The following CC2D1B variants were observed in gnomAD, a reference collection of about 807,000 sequenced individuals.
The protein encoded by CC2D1B is coiled-coil and C2 domain-containing protein 1B.
A neutral mutation model predicts 110.8 loss-of-function variants in CC2D1B; 92 were observed. The ratio of observed to expected loss-of-function variants is 0.83; its 90% CI spans 0.70 to 0.99. The LOEUF (loss-of-function observed/expected upper bound fraction) is 0.99, where lower values mean the gene tolerates loss of function less well. Ranked by LOEUF, CC2D1B falls within the 50% of genes least tolerant of loss-of-function variation. The pLI, the probability that CC2D1B is intolerant of heterozygous loss-of-function variation, is 0.00. For synonymous variants in CC2D1B, 406 were observed against 429.2 expected, an observed-to-expected ratio of 0.95 and a Z score of 0.67; for missense variants, 1,136 against 1,089.0, an observed-to-expected ratio of 1.04 and a Z score of -0.61.
At chr1:52,354,061 G>A (rs917722675) in intron 23 of CC2D1B, among the ~76,000 whole-genome samples, 11 of 152,090 alleles carry the variant, frequency 7.2e-5, no homozygotes, top group African/African-American at 9.7e-5. Flanking sequence ...CATTCACCAC[G>A]CTACTCCCTC....
chr1:52,365,409 C>A (rs1435290721), intron 1 of CC2D1B, among the ~76,000 whole-genome samples: 1 of 152,216 alleles, frequency 6.6e-6, no homozygotes, highest in Admixed American at 6.5e-5. Context: ...CTGAGTCACG[C>A]AAAGAAGTTG....
At position 52,351,357 on chromosome 1, in the gene CC2D1B, T is replaced by C. The variant is rs1444627254; in HGVS notation, c.*1868A>G. The C allele has an allele frequency of 6.6e-6, 1 of 152,174 alleles. No individual in the cohort carries two copies. The highest frequency in any genetic ancestry group is 6.5e-5 in the Admixed American group (1 of 15,272). 9.4% of individuals were successfully genotyped at this position (152,174 alleles called of 1,614,324 possible). A position where few individuals can be genotyped will look rare whatever the true frequency, so the allele number is the denominator to read the frequency against. On this transcript the variant is annotated 3_prime_UTR_variant, in exon 25 of 25. Coordinates refer to ENST00000284376, the MANE Select transcript of CC2D1B (RefSeq NM_001330585.2). The stretch of plus-strand genomic sequence containing the variant: ...AAACTCCTAGAGCTGGCTGGAACTT[T>C]AGAGGATAACCACAGTGGTCCGTAA...
At chr1:52,359,990 A>C in intron 7 of CC2D1B, 84 bp downstream of exon 7, 3 of 1,544,310 alleles carry the variant, frequency 1.9e-6, no homozygotes, top group Non-Finnish European at 8.8e-7. Context: ...GACCAATGGT[A>C]ATGAACAGTG....
chr1:52,358,138 G>T (rs1646694852), intron 13 of CC2D1B, 193 bp downstream of exon 13: 2 of 940,138 alleles, frequency 2.1e-6, no homozygotes, highest in African/African-American at 1.7e-5. Context: ...GGGGCTCTGG[G>T]TTCAGAAAGA....
rs200574275 is a variant in CC2D1B, at chr1:52,356,243, G to A, written c.1997C>T (p.Ala666Val). The A allele has an allele frequency of 2.9e-5, 47 of 1,614,190 alleles. No homozygotes were observed. In the East Asian group the frequency reaches 1.0e-3, roughly 34 times the overall value. Residue 666 changes from alanine (A) to valine (V), a missense_variant, in exon 18 of 25, where the codon GCT becomes GTT. Ala to Val is a moderately conservative substitution (Grantham distance 64, BLOSUM62 0). Transcript: ENST00000284376. ...GTGGGTGGGAGGGTCGAGGCCCTGA[G>A]CCTGGGCCAGCTGCAGGATCTCCAG... ...KQLEILQLAQ[A>V]QGLDPPTHHF...
At position 52,352,000 on chromosome 1, in the gene CC2D1B, G is replaced by A. The variant is rs1646538236; in HGVS notation, c.*1225C>T. The A allele has an allele frequency of 6.6e-6, 1 of 152,102 alleles. No homozygotes were observed. The highest frequency in any genetic ancestry group is 2.4e-5 in the African/African-American group (1 of 41,404). The allele number at this position is 152,102 out of a possible 1,614,324, so 9.4% of individuals were successfully genotyped here. ...CTGCGTTTAAGGGCAGGGAAGCATG[G>A]TCCAGCCCTGTTATCCCCCAAAAGG... On this transcript the variant is annotated 3_prime_UTR_variant, in exon 25 of 25. Transcript: ENST00000284376.
At position 52,354,932 on chromosome 1, in the gene CC2D1B, A is replaced by T. The variant is rs1646614397; in HGVS notation, c.2247T>A (p.Asp749Glu). Residue 749 changes from aspartate (D) to glutamate (E), a missense_variant, in exon 22 of 25, where the codon GAT (aspartate) becomes GAA (glutamate). Physicochemically the swap from Asp to Glu is conservative, Grantham distance 45 (BLOSUM62 2). Coordinates refer to ENST00000284376, the MANE Select transcript of CC2D1B (RefSeq NM_001330585.2). ...VVKNTNSPEFDQLFKLNINRN... is the reference protein window; with the variant it reads ...VVKNTNSPEFEQLFKLNINRN... ...GGTTGATGTTTAGTTTGAAGAGTTGATCAAATTCTGGCAAAGGGGGAGAAA... is the reference window on the plus strand; with the variant it reads ...GGTTGATGTTTAGTTTGAAGAGTTGTTCAAATTCTGGCAAAGGGGGAGAAA... The T allele has an allele frequency of 6.2e-7, 1 of 1,613,730 alleles. No homozygotes were observed. Among genetic ancestry groups the T allele is most frequent in the Non-Finnish European group, 8.5e-7 (1 of 1,179,768 alleles).
intron 23 of CC2D1B, 54 bp from the exon 24 acceptor site, chr1:52,353,701 A>T: frequency 7.4e-7 from 1 of 1,352,062 alleles, no homozygotes; most frequent in East Asian, 2.5e-5. Context: ...GATGGGGAGC[A>T]GGCAGGTCCC....
chr1:52,357,676 C>T lies in CC2D1B; in HGVS notation c.1602G>A (p.Leu534=). Residue 534 remains leucine (L), a synonymous_variant, in exon 15 of 25, where the codon CTG becomes CTA. Coordinates refer to ENST00000284376, the MANE Select transcript of CC2D1B (RefSeq NM_001330585.2). ...GCTGATACTGCAGTTTCCGTGCCTC[C>T]AGCAGTGCCAGCTGCTCCCGCACTG... ...SPSVREQLAL[L]EARKLQYQRA... is the part of the protein sequence containing the mutation. The T allele has an allele frequency of 6.2e-7, 1 of 1,604,318 alleles. No individual in the cohort carries two copies. Among genetic ancestry groups the T allele is most frequent in the East Asian group, 2.2e-5 (1 of 44,616 alleles).
At position 52,361,085 on chromosome 1, in the gene CC2D1B, C is replaced by T. The variant is rs780195506; in HGVS notation, c.366G>A (p.Leu122=). 4 of 1,614,084 alleles carry T rather than the reference C, an allele frequency of 2.5e-6. No individual in the cohort carries two copies. In the South Asian group the frequency reaches 4.4e-5, roughly 18 times the overall value. The part of the protein sequence containing the change: ...VLGVDEETEP[L]DGDEVADPGG... ...CTGGGTCAGCTACCTCATCACCATC[C>T]AGGGGCTCAGTCTCCTCGTCCACAC... The change falls in exon 5 of 25, where the codon CTG becomes CTA. Residue 122 remains leucine (L), a synonymous_variant. Transcript: ENST00000284376.
chr1:52,360,831 G>T, intron 5 of CC2D1B, 143 bp downstream of exon 5: 1 of 1,089,536 alleles, frequency 9.2e-7, no homozygotes, highest in Non-Finnish European at 1.3e-6. Context: ...AGTTTCTTGT[G>T]CTCAGTTTCT....
intron 2 of CC2D1B, among the ~76,000 whole-genome samples, chr1:52,364,250 C>A (rs1646840515): frequency 6.6e-6 from 1 of 152,208 alleles, no homozygotes; most frequent in African/African-American, 2.4e-5. Flanking sequence ...CTCCCACTGA[C>A]TACAGCCCTC....
chr1:52,355,895 G>C, intron 18 of CC2D1B, 51 bp from the exon 19 acceptor site: 1 of 1,579,762 alleles, frequency 6.3e-7, no homozygotes, highest in Non-Finnish European at 8.7e-7. Context: ...GACAGTAGTG[G>C]AACAAGGTCC....
rs1431944198 is a variant in CC2D1B, at chr1:52,366,085, G to A, written c.-31C>T. ...GCGGCATACCTCGCGGTGAATCCGAGCCAAACCCCGGCCTTGTCTCACCCG... is the reference window on the plus strand; with the variant it reads ...GCGGCATACCTCGCGGTGAATCCGAACCAAACCCCGGCCTTGTCTCACCCG... On this transcript the variant is annotated 5_prime_UTR_variant, in exon 1 of 25. Coordinates refer to ENST00000284376, the MANE Select transcript of CC2D1B (RefSeq NM_001330585.2). 2 of 152,228 alleles carry A rather than the reference G, an allele frequency of 1.3e-5. No individual in the cohort carries two copies. Among genetic ancestry groups the A allele is most frequent in the Non-Finnish European group, 2.9e-5 (2 of 68,078 alleles). 9.4% of individuals were successfully genotyped at this position (152,228 alleles called of 1,614,324 possible).
intron 12 of CC2D1B, 100 bp downstream of exon 12, chr1:52,358,586 G>T: frequency 6.4e-7 from 1 of 1,570,704 alleles, no homozygotes. Flanking sequence ...CCACAGAGGG[G>T]AGGCAGACGC....
chr1:52,365,770 G>A (rs1000635840), intron 1 of CC2D1B, among the ~76,000 whole-genome samples: 1 of 151,032 alleles, frequency 6.6e-6, no homozygotes, highest in African/African-American at 2.5e-5. Context: ...ACCAGCTGAC[G>A]GGCGTGGAGG....
chr1:52,357,709 A>G lies in CC2D1B; in HGVS notation c.1580-11T>C. Reference sequence around the variant, plus strand: ...CCAGCTGCTCCCGCACTGAAGGGAGAAGGCCACTGGTTAGGGCCACACCTG... The same window carrying G: ...CCAGCTGCTCCCGCACTGAAGGGAGGAGGCCACTGGTTAGGGCCACACCTG... On this transcript the variant is annotated splice_polypyrimidine_tract_variant and intron_variant, in intron 14 of 24. Coordinates refer to ENST00000284376, the MANE Select transcript of CC2D1B (RefSeq NM_001330585.2). 3.1e-6 allele frequency: 5 copies of G among 1,609,634 alleles called. No homozygotes were observed. Among genetic ancestry groups the G allele is most frequent in the Non-Finnish European group, 4.2e-6 (5 of 1,177,982 alleles).
intron 7 of CC2D1B, 36 bp from the exon 8 acceptor site, chr1:52,359,919 A>T (rs747737121): frequency 6.3e-7 from 1 of 1,592,304 alleles, no homozygotes; most frequent in Non-Finnish European, 8.6e-7. Flanking sequence ...AGAGCACATG[A>T]GGGTCACAGA....
At chr1:52,362,499 C>A in intron 3 of CC2D1B, 103 bp downstream of exon 3, 1 of 1,390,062 alleles carries the variant, frequency 7.2e-7, no homozygotes, top group Non-Finnish European at 1.0e-6. Context: ...TTGGAAGGAC[C>A]AGGGGATCTG....
Sources: gnomAD v4.1 joint callset for allele counts (sites outside exome capture counted in the v4.1 genomes callset) on GRCh38, gnomAD v4.1.1 for gene constraint, MANE v1.5 for transcripts, NCBI Gene and HGNC (gene_info 2026-07-23, HGNC 2026-07-21) for gene names.